Variants in GLRA3 observed in about 807,000 individuals in gnomAD.
GLRA3 encodes the protein glycine receptor alpha 3.
Under a neutral mutation model 60.4 loss-of-function variants are expected in GLRA3, and 44 were observed. The observed-to-expected ratio is 0.73, with a 90% CI of 0.57 to 0.94. The LOEUF is 0.94. Ranked by LOEUF, GLRA3 falls within the 40% of genes least tolerant of loss-of-function variation. The probability of loss-of-function intolerance (pLI) is 0.00; values close to 1 mark genes in which losing one functional copy is unlikely to be tolerated. For missense variants in GLRA3, 508 were observed against 564.6 expected, an observed-to-expected ratio of 0.90 and a Z score of 1.02; for synonymous variants, 223 against 192.9, an observed-to-expected ratio of 1.16 and a Z score of -1.29.
intron 5 of GLRA3, among the ~76,000 whole-genome samples, chr4:174,701,775 A>G (rs1735332761): frequency 6.6e-6 from 1 of 152,214 alleles, no homozygotes; most frequent in Admixed American, 6.5e-5. Context: ...ACTTCAGTGG[A>G]GGAAGTAATT....
chr4:174,735,157 T>G (rs1268952863), intron 3 of GLRA3, among the ~76,000 whole-genome samples: 1 of 143,696 alleles, frequency 7.0e-6, no homozygotes, highest in Non-Finnish European at 1.5e-5. Context: ...ATTGTATGAC[T>G]AATTTTCAGC....
intron 7 of GLRA3, among the ~76,000 whole-genome samples, chr4:174,666,758 ATT>A (rs1733688046): frequency 4.1e-5 from 2 of 48,310 alleles, no homozygotes; most frequent in African/African-American, 4.4e-4. Context: ...ATATATATAT[ATT>A]ATATATATAT....
intron 5 of GLRA3, among the ~76,000 whole-genome samples, chr4:174,694,137 C>T (rs546439707): frequency 2.0e-5 from 3 of 152,096 alleles, no homozygotes; most frequent in African/African-American, 7.2e-5. Flanking sequence ...ACAATAATAG[C>T]GCGAGACTTA....
chr4:174,718,808 T>C (rs1354691904), intron 4 of GLRA3, among the ~76,000 whole-genome samples: 3 of 152,182 alleles, frequency 2.0e-5, no homozygotes, highest in Non-Finnish European at 2.9e-5. Flanking sequence ...ACTCATTTAC[T>C]CCGTACTACA....
At chr4:174,699,830 G>C (rs926335988) in intron 5 of GLRA3, among the ~76,000 whole-genome samples, 2 of 149,238 alleles carry the variant, frequency 1.3e-5, no homozygotes, top group Non-Finnish European at 3.0e-5. Context: ...TAATTTATTT[G>C]TTAATTATTA....
At chr4:174,779,774 A>G (rs1738788370) in intron 2 of GLRA3, among the ~76,000 whole-genome samples, 1 of 151,724 alleles carries the variant, frequency 6.6e-6, no homozygotes, top group Non-Finnish European at 1.5e-5. Flanking sequence ...AAAAGAATAA[A>G]AAGAAATGAG....
intron 1 of GLRA3, among the ~76,000 whole-genome samples, chr4:174,806,450 G>A (rs990009585): frequency 6.6e-6 from 1 of 152,048 alleles, no homozygotes; most frequent in Non-Finnish European, 1.5e-5. Context: ...ATACATAAAA[G>A]TTAGCCCTCT....
At chr4:174,737,117 G>A (rs562600358) in intron 3 of GLRA3, among the ~76,000 whole-genome samples, 46 of 152,006 alleles carry the variant, frequency 3.0e-4, no homozygotes, top group African/African-American at 9.9e-4. Context: ...ATGTAATTTG[G>A]GACTAATGTT....
intron 1 of GLRA3, among the ~76,000 whole-genome samples, chr4:174,793,686 C>G (rs1301510015): frequency 2.0e-5 from 3 of 152,064 alleles, no homozygotes; most frequent in Non-Finnish European, 4.4e-5. Flanking sequence ...GCCACTGCAC[C>G]TGGCCACGAT....
intron 5 of GLRA3, among the ~76,000 whole-genome samples, chr4:174,709,333 C>T (rs1008504526): frequency 1.3e-5 from 2 of 151,906 alleles, no homozygotes; most frequent in Admixed American, 6.6e-5. Flanking sequence ...AAAAACAAGT[C>T]TTCATTGCAG....
At chr4:174,660,776 C>T (rs1311426985) in intron 7 of GLRA3, among the ~76,000 whole-genome samples, 1 of 152,144 alleles carries the variant, frequency 6.6e-6, no homozygotes, top group African/African-American at 2.4e-5. Context: ...CTGTCTTCTA[C>T]ATTTATCTGT....
intron 1 of GLRA3, 92 bp from the exon 2 acceptor site, chr4:174,789,035 T>C: frequency 1.3e-6 from 1 of 770,312 alleles, no homozygotes; most frequent in Non-Finnish European, 2.0e-6. Flanking sequence ...CTGAGCTAAA[T>C]ATCTTTGGCA....
intron 3 of GLRA3, among the ~76,000 whole-genome samples, chr4:174,756,820 AT>A (rs552144554): frequency 1.3e-5 from 2 of 151,208 alleles, no homozygotes; most frequent in South Asian, 4.2e-4. Flanking sequence ...AATATTTTGT[AT>A]TTTTTTTAGT....
At chr4:174,650,603 AG>A (rs143795852) in intron 9 of GLRA3, among the ~76,000 whole-genome samples, 1 of 152,200 alleles carries the variant, frequency 6.6e-6, no homozygotes, top group Non-Finnish European at 1.5e-5. Flanking sequence ...GTCCATATCT[AG>A]GCCTGAAATA....
intron 1 of GLRA3, among the ~76,000 whole-genome samples, chr4:174,826,278 C>A (rs1017243787): frequency 5.9e-5 from 9 of 152,054 alleles, no homozygotes; most frequent in African/African-American, 2.2e-4. Context: ...CTACATGCAA[C>A]AAGATGGATA....
At chr4:174,710,308 A>G (rs1044515169) in intron 5 of GLRA3, among the ~76,000 whole-genome samples, 1 of 152,196 alleles carries the variant, frequency 6.6e-6, no homozygotes, top group African/African-American at 2.4e-5. Context: ...CCATAACTCA[A>G]AGTAAATTTT....
intron 1 of GLRA3, among the ~76,000 whole-genome samples, chr4:174,810,662 A>T (rs1740227853): frequency 6.6e-6 from 1 of 152,134 alleles, no homozygotes; most frequent in Non-Finnish European, 1.5e-5. Context: ...TGTAAGTGAA[A>T]TTAAATCCAC....
intron 3 of GLRA3, among the ~76,000 whole-genome samples, chr4:174,743,913 T>G (rs1434874433): frequency 1.3e-5 from 2 of 150,904 alleles, no homozygotes; most frequent in Admixed American, 6.6e-5. Context: ...ACCCCCTCTC[T>G]TGATCCATAC....
intron 1 of GLRA3, among the ~76,000 whole-genome samples, chr4:174,794,471 A>G (rs67481417): frequency 0.075 from 11,381 of 152,104 alleles, 568 homozygotes; most frequent in South Asian, 0.11. Context: ...ACACAATTTT[A>G]TGCACACACG....
Sources: allele counts gnomAD v4.1 joint callset (sites outside exome capture counted in the v4.1 genomes callset), GRCh38; gene constraint gnomAD v4.1.1; transcripts MANE v1.5; gene names NCBI Gene and HGNC (gene_info 2026-07-23, HGNC 2026-07-21).